Variants in TYMP observed in about 807,000 individuals in gnomAD.
The protein encoded by TYMP is gliostatin.
Under a neutral mutation model 42.3 loss-of-function variants are expected in TYMP, and 46 were observed. The observed-to-expected ratio is 1.09, with a 90% CI of 0.86 to 1.39. The LOEUF is 1.39. Among genes scored for constraint, TYMP ranks in the 40% most tolerant of loss-of-function variants. TYMP has a pLI of 0.00. For missense variants in TYMP, 837 were observed against 677.6 expected (o/e 1.24, Z -2.61); for synonymous variants, 363 against 308.0 (o/e 1.18, Z -1.87).
chr22:50,529,716 G>A lies in TYMP; in HGVS notation c.-7C>T, dbSNP rs1264647720. 1 of 1,605,654 alleles carries A rather than the reference G, an allele frequency of 6.2e-7. No homozygotes were observed. Among genetic ancestry groups the A allele is most frequent in the Non-Finnish European group, 8.5e-7 (1 of 1,176,812 alleles). ...GGGTCATCAAGGCTGCCATCGCTCC[G>A]GGCCTGCGGGGATGCCTGACACGTC... On this transcript the variant is annotated 5_prime_UTR_variant, in exon 2 of 10. Coordinates refer to ENST00000252029, the MANE Select transcript of TYMP (RefSeq NM_001953.5).
At chr22:50,529,012 G>A in intron 3 of TYMP, 124 bp downstream of exon 3, 2 of 1,019,532 alleles carry the variant, frequency 2.0e-6, no homozygotes, top group Non-Finnish European at 3.0e-6. Context: ...GAGCAGGGTG[G>A]GGAGAAGCCT....
chr22:50,526,259 C>CA lies in TYMP; in HGVS notation c.1145dup (p.Ala383GlyfsTer?). 2 of 1,537,258 alleles carry CA rather than the reference C, an allele frequency of 1.3e-6. No homozygotes were observed. The highest frequency in any genetic ancestry group is 1.7e-6 in the Non-Finnish European group (2 of 1,152,220). On this transcript the variant is annotated frameshift_variant, in exon 8 of 10. Transcript: ENST00000252029. LOFTEE classifies it high-confidence loss of function. ...CCCGACGCTCACCATCTGCGGGCGCCAGCAGCTCCTCCTGCTCCCGGGCGC... is the reference window on the plus strand; with the variant it reads ...CCCGACGCTCACCATCTGCGGGCGCCAAGCAGCTCCTCCTGCTCCCGGGCGC...
intron 6 of TYMP, 24 bp downstream of exon 6, chr22:50,527,141 C>G: frequency 6.3e-7 from 1 of 1,591,538 alleles, no homozygotes; most frequent in Non-Finnish European, 8.6e-7. Flanking sequence ...AGACGCTTGC[C>G]CAGGGAAAGG....
Position 50,526,678 on chromosome 22 carries a change from GC to G in TYMP, c.825del (p.Lys275AsnfsTer28). 6.5e-7 allele frequency: 1 copy of G among 1,549,672 alleles called. No individual in the cohort carries two copies. The highest frequency in any genetic ancestry group is 2.4e-5 in the East Asian group (1 of 41,442). On this transcript the variant is annotated frameshift_variant, in exon 7 of 10. Coordinates refer to ENST00000252029, the MANE Select transcript of TYMP (RefSeq NM_001953.5). LOFTEE classifies it high-confidence loss of function. ...RVAAALTAMD[K>X]PLGRCVGHAL... ...GCGTGGCCCACGCAGCGACCCAGGG[GC>G]TTGTCCATGGCGGTCAGCGCTGCCG... is the stretch of plus-strand genomic sequence containing the variant.
At chr22:50,528,863 G>A (rs1213841677) in intron 3 of TYMP, 1 of 612,512 alleles carries the variant, frequency 1.6e-6, no homozygotes, top group Non-Finnish European at 2.9e-6. Flanking sequence ...CCTCCCTTGG[G>A]GGAGCTGTCT....
At chr22:50,526,542 C>G (rs1024873068) in intron 7 of TYMP, 34 bp downstream of exon 7, 1 of 1,547,090 alleles carries the variant, frequency 6.5e-7, no homozygotes, top group Non-Finnish European at 8.7e-7. Context: ...GCACCCCCCG[C>G]CGCCTCCGCT....
chr22:50,527,503 G>A (rs1044288718), intron 5 of TYMP, 85 bp downstream of exon 5: 1 of 1,602,244 alleles, frequency 6.2e-7, no homozygotes, highest in African/African-American at 1.3e-5. Flanking sequence ...CAGGTGACGG[G>A]TAACTCCTAA....
intron 4 of TYMP, 132 bp downstream of exon 4, chr22:50,528,380 C>G: frequency 2.4e-6 from 2 of 816,562 alleles, no homozygotes; most frequent in Non-Finnish European, 4.1e-6. Context: ...GGCCCAGGCC[C>G]AGTGACTCAT....
Position 50,525,803 on chromosome 22 carries a change from G to C in TYMP, c.1416C>G (p.Pro472=). 6.2e-7 allele frequency: 1 copy of C among 1,610,752 alleles called. No homozygotes were observed. The highest frequency in any genetic ancestry group is 1.3e-5 in the African/African-American group (1 of 74,986). ...SDRAPFAAPS[P]FAELVLPPQQ ...GCGGCGGCAGAACGAGCTCTGCGAA[G>C]GGCGAGGGGGCGGCGAATGGCGCGC... Residue 472 remains proline, a synonymous_variant, in exon 10 of 10, where the codon CCC becomes CCG. Transcript: ENST00000252029.
Position 50,526,252 on chromosome 22 carries a change from C to T in TYMP, c.1153G>A (p.Ala385Thr), listed in dbSNP as rs1253283946. 4 of 1,534,132 alleles carry T rather than the reference C, an allele frequency of 2.6e-6. No individual in the cohort carries two copies. The highest frequency in any genetic ancestry group is 2.5e-5 in the East Asian group (1 of 39,268). Residue 385 changes from alanine to threonine, a missense_variant, in exon 8 of 10, where the codon GCA becomes ACA. Physicochemically the swap from Ala to Thr is moderately conservative, Grantham distance 58. Transcript: ENST00000252029. The part of the protein sequence containing the change: ...AREQEELLAP[A>T]DGTVELVRAL... ...GGACTCCCCCGACGCTCACCATCTG[C>T]GGGCGCCAGCAGCTCCTCCTGCTCC...
intron 6 of TYMP, 40 bp downstream of exon 6, chr22:50,527,125 G>A (rs1255364978): frequency 1.3e-6 from 2 of 1,514,924 alleles, no homozygotes; most frequent in Non-Finnish European, 1.8e-6. Context: ...GGCTGGGCCC[G>A]CATCAAGACG....
In TYMP at chr22:50,527,284, C is replaced by T. The variant is rs1295236603; in HGVS notation, c.647-1G>A. 6 of 1,609,092 alleles carry T rather than the reference C, an allele frequency of 3.7e-6. No homozygotes were observed. Among genetic ancestry groups the T allele is most frequent in the South Asian group, 1.1e-5 (1 of 91,000 alleles). ...ACGAGTTTCTTACTGAGAATGGAGG[C>T]TTTGGGGGAGGCAGAGGAGGTTGGA... On this transcript the variant is annotated splice_acceptor_variant, in intron 5 of 9. Coordinates refer to ENST00000252029, the MANE Select transcript of TYMP (RefSeq NM_001953.5). LOFTEE classifies it high-confidence loss of function.
chr22:50,526,863 T>G, intron 6 of TYMP, 125 bp from the exon 7 acceptor site: 1 of 1,033,972 alleles, frequency 9.7e-7, no homozygotes. Flanking sequence ...AGGGAAGGAT[T>G]GGGGTGGGGA....
At chr22:50,528,930 A>G (rs2069488555) in intron 3 of TYMP, 1 of 641,368 alleles carries the variant, frequency 1.6e-6, no homozygotes, top group Non-Finnish European at 2.8e-6. Context: ...TCCTGCTCCA[A>G]GGGGCCTGGT....
In TYMP at chr22:50,529,886, C is replaced by T; in HGVS notation, c.-11+18G>A. On this transcript the variant is annotated intron_variant, in intron 1 of 9. Transcript: ENST00000252029. Reference sequence around the variant, plus strand: ...TGCCTCCCGCTTCCCCGCCTCGCGACTTGAGCCCCGCCCGTACCTGCTTAG... The same window carrying T: ...TGCCTCCCGCTTCCCCGCCTCGCGATTTGAGCCCCGCCCGTACCTGCTTAG... 1.5e-6 allele frequency: 1 copy of T among 653,562 alleles called. No homozygotes were observed. The highest frequency in any genetic ancestry group is 2.6e-6 in the Non-Finnish European group (1 of 383,796). 40.5% of individuals were successfully genotyped at this position (653,562 alleles called of 1,614,324 possible).
At position 50,529,490 on chromosome 22, in the gene TYMP, A is replaced by C; in HGVS notation, c.214+6T>G. On this transcript the variant is annotated splice_donor_region_variant and intron_variant, in intron 2 of 9. Transcript: ENST00000252029. ...GGGTCAGGAACGCCCAACCCTCCCCACGCACCGATCTGTGCGCCCTGCGCG... is the reference window on the plus strand; with the variant it reads ...GGGTCAGGAACGCCCAACCCTCCCCCCGCACCGATCTGTGCGCCCTGCGCG... 6.2e-7 allele frequency: 1 copy of C among 1,612,300 alleles called. No individual in the cohort carries two copies. The highest frequency in any genetic ancestry group is 8.5e-7 in the Non-Finnish European group (1 of 1,179,828).
chr22:50,527,221 C>T lies in TYMP; in HGVS notation c.709G>A (p.Gly237Arg). Residue 237 changes from glycine to arginine, a missense_variant, in exon 6 of 10, where the codon GGA (glycine) becomes AGA (arginine). Physicochemically the swap from Gly to Arg is moderately radical, Grantham distance 125. Transcript: ENST00000252029. ...TGGTTGGGGAAGACGGCGGCCCCTC[C>T]GAACTTAACGTCCACCACCAGAGCG... ...LSALVVDVKF[G>R]GAAVFPNQEQ... The T allele has an allele frequency of 3.7e-6, 6 of 1,613,616 alleles. No homozygotes were observed. The highest frequency in any genetic ancestry group is 1.1e-5 in the South Asian group (1 of 91,080).
chr22:50,527,872 CT>C, intron 4 of TYMP, 155 bp from the exon 5 acceptor site: 1 of 847,844 alleles, frequency 1.2e-6, no homozygotes, highest in East Asian at 2.7e-5. Context: ...GCCTCCTGGG[CT>C]TAAGTGATCC....
chr22:50,529,074 G>A, intron 3 of TYMP, 62 bp downstream of exon 3: 1 of 1,560,706 alleles, frequency 6.4e-7, no homozygotes, highest in Non-Finnish European at 8.8e-7. Context: ...AGCTGCCTGT[G>A]GATGGACTGG....
Sources: gnomAD v4.1 joint callset for allele counts on GRCh38, gnomAD v4.1.1 for gene constraint, MANE v1.5 for transcripts, NCBI Gene and HGNC (gene_info 2026-07-23, HGNC 2026-07-21) for gene names.